Variants in DLG2 observed in about 807,000 individuals in gnomAD.
The protein encoded by DLG2 is discs large MAGUK scaffold protein 2, also known as disks large homolog 2.
DLG2 carries 45 observed loss-of-function variants against 132.5 expected under a neutral mutation model. The observed-to-expected ratio is 0.34, with a 90% CI of 0.27 to 0.44. The LOEUF (loss-of-function observed/expected upper bound fraction) is 0.44, where lower values mean the gene tolerates loss of function less well. DLG2 is among the 20% of genes least tolerant of loss of function. The pLI, the probability that DLG2 is intolerant of heterozygous loss-of-function variation, is 1.00. For missense variants in DLG2, 1,045 were observed against 1,196.9 expected (o/e 0.87, Z 1.87); for synonymous variants, 424 against 419.6 (o/e 1.01, Z -0.13).
chr11:83,800,975 T>A (rs1369247465), intron 17 of DLG2, among the ~76,000 whole-genome samples: 2 of 152,210 alleles, frequency 1.3e-5, no homozygotes, highest in Admixed American at 1.3e-4. Flanking sequence ...TCTGCTTACT[T>A]GACATCTGCA....
chr11:83,896,997 G>T (rs1384927588), intron 15 of DLG2, among the ~76,000 whole-genome samples: 1 of 152,054 alleles, frequency 6.6e-6, no homozygotes, highest in African/African-American at 2.4e-5. Flanking sequence ...GTTTTCATCT[G>T]ATTCCATACT....
intron 7 of DLG2, among the ~76,000 whole-genome samples, chr11:84,296,420 T>A (rs1316694976): frequency 1.3e-5 from 2 of 152,130 alleles, no homozygotes; most frequent in Non-Finnish European, 2.9e-5. Context: ...AATGGATGTG[T>A]TCCAGAGATG....
chr11:85,526,927 T>C (rs1187350589), intron 3 of DLG2, among the ~76,000 whole-genome samples: 8 of 152,174 alleles, frequency 5.3e-5, no homozygotes, highest in Admixed American at 3.9e-4. Context: ...TCTGCATTGA[T>C]AGGATGTAAA....
intron 6 of DLG2, among the ~76,000 whole-genome samples, chr11:84,968,262 T>C (rs992876427): frequency 5.9e-5 from 9 of 152,182 alleles, no homozygotes; most frequent in South Asian, 2.1e-4. Flanking sequence ...ACAATGCATA[T>C]TTTGTAATAA....
intron 6 of DLG2, among the ~76,000 whole-genome samples, chr11:84,611,315 A>C (rs2099595210): frequency 6.6e-6 from 1 of 152,316 alleles, no homozygotes; most frequent in East Asian, 1.9e-4. Flanking sequence ...TCCATATGCC[A>C]GTTTCTACAT....
At chr11:84,870,883 C>A (rs2085363232) in intron 6 of DLG2, among the ~76,000 whole-genome samples, 1 of 152,122 alleles carries the variant, frequency 6.6e-6, no homozygotes, top group Middle Eastern at 3.2e-3. Context: ...ACAACAAAAA[C>A]CAAACAAACA....
At chr11:84,606,528 A>G (rs2099585980) in intron 6 of DLG2, among the ~76,000 whole-genome samples, 1 of 152,148 alleles carries the variant, frequency 6.6e-6, no homozygotes, top group South Asian at 2.1e-4. Flanking sequence ...CTTTATTTCC[A>G]TCTTTCTTTA....
intron 3 of DLG2, among the ~76,000 whole-genome samples, chr11:85,311,785 C>T (rs1161224664): frequency 6.6e-6 from 1 of 152,026 alleles, no homozygotes; most frequent in Admixed American, 6.6e-5. Context: ...TTTCACTCTA[C>T]ACATTCATTC....
chr11:85,439,285 G>C (rs2153027053), intron 3 of DLG2, among the ~76,000 whole-genome samples: 1 of 152,106 alleles, frequency 6.6e-6, no homozygotes, highest in South Asian at 2.1e-4. Context: ...TGCAAGTTCA[G>C]GATCTGCTAC....
rs2077478723 is a variant in DLG2 at position 85,154,658 on chromosome 11, TAA to T, written c.187-9_187-8del. On this transcript the variant is annotated splice_polypyrimidine_tract_variant and splice_region_variant and intron_variant, in intron 4 of 27. Coordinates refer to ENST00000376104, the MANE Select transcript of DLG2 (RefSeq NM_001142699.3). ...ATCCACTGCAATCTGTAAGCTAAAA[TAA>T]AAGTTTAAAAAATCAATACTCCTTT... The T allele has an allele frequency of 1.4e-6, 2 of 1,380,484 alleles. No individual in the cohort carries two copies. Among genetic ancestry groups the T allele is most frequent in the African/African-American group, 1.5e-5 (1 of 68,924 alleles). The allele number at this position is 1,380,484 out of a possible 1,614,324, so 85.5% of individuals were successfully genotyped here. A position where few individuals can be genotyped will look rare whatever the true frequency, so the allele number is the denominator to read the frequency against.
chr11:85,251,598 T>G (rs1160438894), intron 4 of DLG2, among the ~76,000 whole-genome samples: 1 of 152,148 alleles, frequency 6.6e-6, no homozygotes, highest in Non-Finnish European at 1.5e-5. Flanking sequence ...AAGAAGCTTT[T>G]TAAAACTATG....
At chr11:85,355,652 G>A (rs1279094978) in intron 3 of DLG2, among the ~76,000 whole-genome samples, 1 of 152,062 alleles carries the variant, frequency 6.6e-6, no homozygotes, top group Non-Finnish European at 1.5e-5. Context: ...AAGACAAAAG[G>A]ACTAATTTTT....
intron 8 of DLG2, among the ~76,000 whole-genome samples, chr11:84,204,824 C>T (rs983150226): frequency 1.3e-5 from 2 of 152,172 alleles, no homozygotes; most frequent in African/African-American, 4.8e-5. Context: ...GCCTCAGCCT[C>T]CTAAGTAGCT....
intron 7 of DLG2, among the ~76,000 whole-genome samples, chr11:84,321,926 C>T (rs2098407167): frequency 6.6e-6 from 1 of 152,172 alleles, no homozygotes; most frequent in Non-Finnish European, 1.5e-5. Flanking sequence ...CCATTAAACA[C>T]TCATTTAGCA....
At chr11:83,753,855 TATATATATTTC>T (rs1163538306) in intron 18 of DLG2, among the ~76,000 whole-genome samples, 1 of 6,600 alleles carries the variant, frequency 1.5e-4, no homozygotes, top group Non-Finnish European at 2.4e-4. Flanking sequence ...ATATATATCA[TATATATATTTC>T]ATATATATGA....
intron 6 of DLG2, among the ~76,000 whole-genome samples, chr11:84,722,014 G>C (rs1164177530): frequency 1.3e-5 from 2 of 152,134 alleles, no homozygotes; most frequent in African/African-American, 2.4e-5. Flanking sequence ...GAGCCCCTTA[G>C]TGTTATATCA....
chr11:83,609,043 ATGAAACCT>A (rs1231814523), intron 19 of DLG2, among the ~76,000 whole-genome samples: 2 of 152,216 alleles, frequency 1.3e-5, no homozygotes, highest in African/African-American at 4.8e-5. Flanking sequence ...GCTGAATCAT[ATGAAACCT>A]TGATAGTTTC....
chr11:85,081,782 G>C (rs944961536), intron 6 of DLG2, among the ~76,000 whole-genome samples: 2 of 152,154 alleles, frequency 1.3e-5, no homozygotes, highest in Non-Finnish European at 2.9e-5. Flanking sequence ...TGCTATCCAA[G>C]CAGCTAGGGC....
chr11:85,207,199 G>A (rs1218714843), intron 4 of DLG2, among the ~76,000 whole-genome samples: 8 of 152,056 alleles, frequency 5.3e-5, no homozygotes, highest in African/African-American at 1.7e-4. Context: ...TACTAATGAG[G>A]AGGGAAAACA....
Sources: allele counts gnomAD v4.1 joint callset (sites outside exome capture counted in the v4.1 genomes callset), GRCh38; gene constraint gnomAD v4.1.1; transcripts MANE v1.5; gene names NCBI Gene and HGNC (gene_info 2026-07-23, HGNC 2026-07-21).